The following RNF182 variants were observed in gnomAD, a reference collection of about 807,000 sequenced individuals.
RNF182 encodes E3 ubiquitin-protein ligase RNF182.
Under a neutral mutation model 14.4 loss-of-function variants are expected in RNF182, and 15 were observed. The observed-to-expected ratio is 1.04, with a 90% CI of 0.70 to 1.60. The LOEUF is 1.60. RNF182 is among the 40% of genes most tolerant of loss of function. The probability of loss-of-function intolerance (pLI) is 0.00; values close to 1 mark genes in which losing one functional copy is unlikely to be tolerated. For synonymous variants in RNF182, 128 were observed against 122.9 expected (o/e 1.04, Z -0.27); for missense variants, 268 against 294.8 (o/e 0.91, Z 0.67).
At position 13,976,930 on chromosome 6, in the gene RNF182, A is replaced by T. The variant is rs1336302349; in HGVS notation, c.-190A>T. On this transcript the variant is annotated 5_prime_UTR_variant, in exon 3 of 3. An upstream open reading frame in the 5' UTR loses its in-frame stop. Coordinates refer to ENST00000488300, the MANE Select transcript of RNF182 (RefSeq NM_152737.4). The stretch of plus-strand genomic sequence containing the variant: ...ACAGACCCTTCATGTGGCCTTTATA[A>T]ATATGCGTTTGAGACAGAGTTATAT... The T allele has an allele frequency of 3.2e-6, 2 of 632,134 alleles. No individual in the cohort carries two copies. The highest frequency in any genetic ancestry group is 5.1e-5 in the East Asian group (2 of 38,960). 39.2% of individuals were successfully genotyped at this position (632,134 alleles called of 1,614,324 possible).
intron 1 of RNF182, among the ~76,000 whole-genome samples, chr6:13,954,522 C>G (rs1004469241): frequency 2.0e-5 from 3 of 152,068 alleles, no homozygotes; most frequent in African/African-American, 7.2e-5. Context: ...CATAAACTTT[C>G]TGAGAACATT....
At chr6:13,949,394 C>T (rs1759525540) in intron 1 of RNF182, 5 of 746,318 alleles carry the variant, frequency 6.7e-6, no homozygotes, top group Non-Finnish European at 1.2e-5. Context: ...CATTTGTACA[C>T]AAAAAGGCAA....
chr6:13,949,537 T>C, intron 1 of RNF182: 2 of 514,482 alleles, frequency 3.9e-6, no homozygotes, highest in Non-Finnish European at 3.6e-6. Flanking sequence ...TGAGGGAATC[T>C]GTGTTCTGCA....
intron 1 of RNF182, among the ~76,000 whole-genome samples, chr6:13,929,671 CT>C (rs1343617235): frequency 4.6e-5 from 7 of 152,138 alleles, no homozygotes; most frequent in Non-Finnish European, 1.0e-4. Flanking sequence ...ACTATTATCC[CT>C]TTTTTATGAG....
chr6:13,974,586 T>A (rs548088919), intron 2 of RNF182, among the ~76,000 whole-genome samples: 41 of 152,322 alleles, frequency 2.7e-4, no homozygotes, highest in African/African-American at 9.6e-4. Flanking sequence ...CACATAATTA[T>A]CAGCTAGAAA....
intron 1 of RNF182, among the ~76,000 whole-genome samples, chr6:13,942,033 C>T (rs1044621486): frequency 6.6e-6 from 1 of 151,952 alleles, no homozygotes; most frequent in African/African-American, 2.4e-5. Context: ...TTGTTTGAAA[C>T]TATTTTGTCT....
intron 1 of RNF182, among the ~76,000 whole-genome samples, chr6:13,938,614 T>C (rs972518885): frequency 6.6e-5 from 10 of 152,196 alleles, no homozygotes; most frequent in Admixed American, 1.3e-4. Flanking sequence ...TTTGAATTGA[T>C]TTTTGTGTAG....
Position 13,977,675 on chromosome 6 carries a change from G to T in RNF182, c.556G>T (p.Val186Leu), listed in dbSNP as rs1349017527. The T allele has an allele frequency of 1.9e-6, 3 of 1,614,076 alleles. No homozygotes were observed. Among genetic ancestry groups the T allele is most frequent in the South Asian group, 1.1e-5 (1 of 91,092 alleles). ...LLFQTSIRVL[V>L]WLLGLLYFSS... ...GTTTCAGACATCCATCCGGGTGTTA[G>T]TGTGGTTGCTAGGTTTGCTCTACTT... The change falls in exon 3 of 3, where the codon GTG (valine) becomes TTG (leucine). Residue 186 changes from valine (V) to leucine (L), a missense_variant. Val to Leu is a conservative substitution (Grantham distance 32, BLOSUM62 1). Coordinates refer to ENST00000488300, the MANE Select transcript of RNF182 (RefSeq NM_152737.4).
At chr6:13,966,319 T>C (rs1760027073) in intron 1 of RNF182, among the ~76,000 whole-genome samples, 1 of 152,106 alleles carries the variant, frequency 6.6e-6, no homozygotes, top group African/African-American at 2.4e-5. Flanking sequence ...GAGGGAAATA[T>C]TTGGAATTGA....
At chr6:13,963,066 C>G (rs1483985287) in intron 1 of RNF182, among the ~76,000 whole-genome samples, 2 of 152,012 alleles carry the variant, frequency 1.3e-5, no homozygotes, top group African/African-American at 2.4e-5. Context: ...TGTTCATATG[C>G]CTATTAAGTG....
chr6:13,932,752 T>C (rs935974490), intron 1 of RNF182, among the ~76,000 whole-genome samples: 2 of 152,230 alleles, frequency 1.3e-5, no homozygotes, highest in Non-Finnish European at 2.9e-5. Context: ...TCAGATTCTT[T>C]TAAACGTTAA....
In RNF182 at chr6:13,977,065, C is replaced by G. The variant is rs2113653391; in HGVS notation, c.-55C>G. Reference sequence around the variant, plus strand: ...ATGATATTCAGAGGGGCACCTTAATCAAAGCCATTCTTCAACAAGACCCAC... The same window carrying G: ...ATGATATTCAGAGGGGCACCTTAATGAAAGCCATTCTTCAACAAGACCCAC... On this transcript the variant is annotated 5_prime_UTR_variant, in exon 3 of 3. The change creates a new upstream start codon in the 5' untranslated region. Coordinates refer to ENST00000488300, the MANE Select transcript of RNF182 (RefSeq NM_152737.4). 1.3e-6 allele frequency: 2 copies of G among 1,546,084 alleles called. No homozygotes were observed. The highest frequency in any genetic ancestry group is 1.2e-5 in the South Asian group (1 of 81,078).
intron 2 of RNF182, among the ~76,000 whole-genome samples, chr6:13,975,122 C>T (rs1391757033): frequency 2.0e-5 from 3 of 152,142 alleles, no homozygotes; most frequent in Non-Finnish European, 4.4e-5. Flanking sequence ...CAGTGAACTG[C>T]CCAGGGCTGG....
intron 1 of RNF182, among the ~76,000 whole-genome samples, chr6:13,954,954 C>T (rs1759690533): frequency 6.6e-6 from 1 of 152,176 alleles, no homozygotes; most frequent in African/African-American, 2.4e-5. Context: ...CTTGTCCCTC[C>T]CTTTGTTGTG....
chr6:13,938,624 G>A (rs1759204737), intron 1 of RNF182, among the ~76,000 whole-genome samples: 1 of 152,058 alleles, frequency 6.6e-6, no homozygotes, highest in South Asian at 2.1e-4. Flanking sequence ...TTTTTGTGTA[G>A]GGTGTGAGGT....
intron 1 of RNF182, among the ~76,000 whole-genome samples, chr6:13,939,199 C>A (rs1055507545): frequency 6.6e-6 from 1 of 152,124 alleles, no homozygotes. Flanking sequence ...TAGTGTTTGG[C>A]GTTTACATAC....
At chr6:13,939,956 G>A (rs1759246836) in intron 1 of RNF182, among the ~76,000 whole-genome samples, 1 of 152,220 alleles carries the variant, frequency 6.6e-6, no homozygotes, top group Admixed American at 6.5e-5. Context: ...ATCACTGTAT[G>A]TGATGAATAA....
rs983530217 is a variant in RNF182 at position 13,976,893 on chromosome 6, C to G, written c.-211-16C>G. 3 of 530,912 alleles carry G rather than the reference C, an allele frequency of 5.7e-6. No homozygotes were observed. The highest frequency in any genetic ancestry group is 6.6e-6 in the Non-Finnish European group (2 of 301,346). 32.9% of individuals were successfully genotyped at this position (530,912 alleles called of 1,614,324 possible). A position where few individuals can be genotyped will look rare whatever the true frequency, so the allele number is the denominator to read the frequency against. ...TGAACTGTTCATTATATTAGAATCT[C>G]TTTTCTTCTTTACAGACCCTTCATG... On this transcript the variant is annotated splice_polypyrimidine_tract_variant and intron_variant, in intron 2 of 2. Coordinates refer to ENST00000488300, the MANE Select transcript of RNF182 (RefSeq NM_152737.4).
At chr6:13,959,765 G>A (rs1759819710) in intron 1 of RNF182, among the ~76,000 whole-genome samples, 1 of 152,186 alleles carries the variant, frequency 6.6e-6, no homozygotes, top group African/African-American at 2.4e-5. Flanking sequence ...CAATTTGGTG[G>A]TAGTGAGAGG....
Sources: gnomAD v4.1 joint callset for allele counts (sites outside exome capture counted in the v4.1 genomes callset) on GRCh38, gnomAD v4.1.1 for gene constraint, MANE v1.5 for transcripts, NCBI Gene and HGNC (gene_info 2026-07-23, HGNC 2026-07-21) for gene names.